The following MAGEC3 variants were observed in gnomAD, a reference collection of about 807,000 sequenced individuals.
The protein encoded by MAGEC3 is MAGE family member C3.
Under a neutral mutation model 35.3 loss-of-function variants are expected in MAGEC3, and 34 were observed. The ratio of observed to expected loss-of-function variants is 0.96; its 90% confidence interval spans 0.73 to 1.28. The LOEUF is 1.28. MAGEC3 is among the 50% of genes most tolerant of loss of function. The pLI is 0.00. For synonymous variants in MAGEC3, 202 were observed against 185.6 expected, an observed-to-expected ratio of 1.09 and a Z score of -0.72; for missense variants, 561 against 483.6, an observed-to-expected ratio of 1.16 and a Z score of -1.50.
chrX:141,869,979 T>TGTTTGATTTG (rs2017877301), intron 2 of MAGEC3, among the ~76,000 whole-genome samples: 1 of 111,276 alleles, frequency 9.0e-6, no homozygotes, highest in African/African-American at 3.3e-5. Context: ...TTCCAGATGC[T>TGTTTGATTTG]TCAGGGGCCC....
At chrX:141,848,702 C>A in intron 1 of MAGEC3, among the ~76,000 whole-genome samples, 1 of 110,752 alleles carries the variant, frequency 9.0e-6, no homozygotes, top group East Asian at 2.9e-4. Flanking sequence ...GTCATACTGC[C>A]CAAAGCGATT....
chrX:141,884,764 G>C (rs1479309181), intron 4 of MAGEC3, among the ~76,000 whole-genome samples: 1 of 111,848 alleles, frequency 8.9e-6, no homozygotes, highest in Admixed American at 9.5e-5. Flanking sequence ...AAAAAGTTTA[G>C]TGACCCTATA....
intron 1 of MAGEC3, among the ~76,000 whole-genome samples, chrX:141,849,503 G>T (rs764776052): frequency 9.0e-6 from 1 of 110,803 alleles, no homozygotes; most frequent in South Asian, 3.7e-4. Context: ...TGTAAACTAT[G>T]CATCTAACAA....
intron 1 of MAGEC3, among the ~76,000 whole-genome samples, chrX:141,855,378 A>C (rs1436866481): frequency 9.0e-6 from 1 of 111,456 alleles, no homozygotes; most frequent in Non-Finnish European, 1.9e-5. Context: ...ATAATGTATT[A>C]ATAACTAATA....
intron 4 of MAGEC3, 51 bp from the exon 5 acceptor site, chrX:141,895,218 G>T: frequency 8.6e-7 from 1 of 1,159,670 alleles, no homozygotes; most frequent in African/African-American, 1.8e-5. Context: ...GAGGTGGGGG[G>T]TGGTTTTTCC....
Position 141,897,406 on chromosome X carries a change from A to T in MAGEC3, c.1648A>T (p.Ile550Phe). The change falls in exon 7 of 8, where the codon ATT becomes TTT. Residue 550 changes from isoleucine (I) to phenylalanine (F), a missense_variant. By Grantham distance (21) the Ile-to-Phe change is conservative. Transcript: ENST00000298296. ...DQGMPKNCLL[I>F]LILSMIFIKG... ...GGGCATGCCCAAGAACTGTCTCCTG[A>T]TTCTTATTCTCAGTATGATCTTCAT... 1 of 1,211,524 alleles carries T rather than the reference A, an allele frequency of 8.3e-7. No individual in the cohort carries two copies. The highest frequency in any genetic ancestry group is 1.1e-6 in the Non-Finnish European group (1 of 895,487).
chrX:141,887,338 C>T lies in MAGEC3; in HGVS notation c.909+5542C>T, dbSNP rs192276191. Among the ~76,000 whole-genome samples, 355 of 112,066 alleles carry T rather than the reference C, an allele frequency of 3.2e-3. 1 individual carries two copies. The highest frequency in any genetic ancestry group is 5.0e-3 in the Non-Finnish European group (265 of 53,202). On this transcript the variant is annotated intron_variant, in intron 4 of 7. Coordinates refer to ENST00000298296, the MANE Select transcript of MAGEC3 (RefSeq NM_138702.1). ...GTCGACTACATTGATGACATTATGC[C>T]GATTGGATCCAGTGAGCGAGAAGTG...
chrX:141,859,979 A>G (rs1341405106), intron 1 of MAGEC3, among the ~76,000 whole-genome samples: 1 of 112,098 alleles, frequency 8.9e-6, no homozygotes. Context: ...TAGTTTTATC[A>G]GGGAGGACTG....
At chrX:141,852,901 A>T (rs1369215274) in intron 1 of MAGEC3, among the ~76,000 whole-genome samples, 1 of 111,053 alleles carries the variant, frequency 9.0e-6, no homozygotes, top group African/African-American at 3.3e-5. Context: ...TGTAATTTTT[A>T]AAATCTGGTT....
chrX:141,849,703 C>G (rs943609761), intron 1 of MAGEC3, among the ~76,000 whole-genome samples: 1 of 111,064 alleles, frequency 9.0e-6, no homozygotes, highest in African/African-American at 3.3e-5. Flanking sequence ...CACCTCACAC[C>G]AGTCAGAATG....
At chrX:141,890,589 T>A (rs2018034204) in intron 4 of MAGEC3, among the ~76,000 whole-genome samples, 1 of 112,165 alleles carries the variant, frequency 8.9e-6, no homozygotes, top group African/African-American at 3.2e-5. Context: ...CATCTAAAAT[T>A]GTTTTAAACC....
chrX:141,895,136 C>T lies in MAGEC3; in HGVS notation c.910-133C>T. On this transcript the variant is annotated intron_variant, in intron 4 of 7. Coordinates refer to ENST00000298296, the MANE Select transcript of MAGEC3 (RefSeq NM_138702.1). ...GGTAGGGAGGTGGGCACAAAGGGGT[C>T]GGGGGGCGCTGAGGAGGGCAGGAAG... 4.8e-6 allele frequency: 3 copies of T among 622,804 alleles called. No individual in the cohort carries two copies. The South Asian group carries it at 8.8e-5, about 18-fold the overall frequency. 51.3% of individuals were successfully genotyped at this position (622,804 alleles called of 1,213,427 possible).
chrX:141,881,492 AAG>A lies in MAGEC3; in HGVS notation c.608_609del (p.Glu203AlafsTer28). 2.5e-6 allele frequency: 3 copies of A among 1,211,338 alleles called. No homozygotes were observed. Among genetic ancestry groups the A allele is most frequent in the Non-Finnish European group, 3.4e-6 (3 of 895,333 alleles). ...TTTCTTCTCCTCAAATATCAAGCAA[AAG>A]AGCCTCTCACAAGAGCAGAGATGCA... On this transcript the variant is annotated frameshift_variant, in exon 4 of 8. Transcript: ENST00000298296. LOFTEE classifies it high-confidence loss of function.
intron 1 of MAGEC3, among the ~76,000 whole-genome samples, chrX:141,850,056 TATC>T (rs2017741037): frequency 9.0e-6 from 1 of 111,223 alleles, no homozygotes; most frequent in Non-Finnish European, 1.9e-5. Flanking sequence ...AAAATGATAA[TATC>T]ATATCCTTTA....
At chrX:141,863,303 G>A (rs1263377718) in intron 1 of MAGEC3, among the ~76,000 whole-genome samples, 1 of 111,110 alleles carries the variant, frequency 9.0e-6, no homozygotes, top group African/African-American at 3.3e-5. Context: ...AGTTGTTGTT[G>A]GAGGTTCGTT....
chrX:141,896,766 T>A, intron 6 of MAGEC3, 116 bp from the exon 7 acceptor site: 1 of 1,204,900 alleles, frequency 8.3e-7, no homozygotes, highest in Non-Finnish European at 1.1e-6. Flanking sequence ...AGGAGGAGGA[T>A]GCCTCCTCCA....
chrX:141,856,581 A>G (rs1432950284), intron 1 of MAGEC3, among the ~76,000 whole-genome samples: 3 of 111,285 alleles, frequency 2.7e-5, no homozygotes, highest in Non-Finnish European at 5.7e-5. Flanking sequence ...AAAAAAAACT[A>G]TATCAATATG....
chrX:141,873,550 A>T (rs1397962394), intron 2 of MAGEC3, among the ~76,000 whole-genome samples: 1 of 111,636 alleles, frequency 9.0e-6, no homozygotes, highest in Non-Finnish European at 1.9e-5. Flanking sequence ...GCTGGAACTT[A>T]AAGTGGCGAT....
At chrX:141,892,393 T>C (rs2018049038) in intron 4 of MAGEC3, among the ~76,000 whole-genome samples, 1 of 111,797 alleles carries the variant, frequency 8.9e-6, no homozygotes, top group African/African-American at 3.3e-5. Flanking sequence ...TTCATGTAAA[T>C]AAAATCAACA....
Sources: gnomAD v4.1 joint callset for allele counts (sites outside exome capture counted in the v4.1 genomes callset) on GRCh38, gnomAD v4.1.1 for gene constraint, MANE v1.5 for transcripts, NCBI Gene and HGNC (gene_info 2026-07-23, HGNC 2026-07-21) for gene names.